NAV1: variants seen among roughly 807,000 people sequenced by gnomAD.
NAV1 encodes the protein pore membrane and/or filament interacting like protein 3.
A neutral mutation model predicts 175.2 loss-of-function variants in NAV1; 18 were observed. The ratio of observed to expected loss-of-function variants is 0.10; its 90% CI spans 0.07 to 0.15. NAV1 has a LOEUF of 0.15. Among genes scored for constraint, NAV1 ranks in the 10% least tolerant of loss-of-function variants. The pLI, the probability that NAV1 is intolerant of heterozygous loss-of-function variation, is 1.00. For missense variants in NAV1, 1,731 were observed against 2,436.6 expected (o/e 0.71, Z 6.10); for synonymous variants, 897 against 978.7 (o/e 0.92, Z 1.56).
intron 2 of NAV1, among the ~76,000 whole-genome samples, chr1:201,642,753 T>C (rs1163735943): frequency 1.4e-5 from 2 of 147,230 alleles, no homozygotes; most frequent in Admixed American, 1.4e-4. Flanking sequence ...CCTCCCTCCT[T>C]CTTTTCTTTT....
intron 1 of NAV1, among the ~76,000 whole-genome samples, chr1:201,570,107 G>T (rs1204831032): frequency 6.6e-6 from 1 of 152,172 alleles, no homozygotes; most frequent in Non-Finnish European, 1.5e-5. Context: ...CTGGCCTCTT[G>T]TGTGCCCTGA....
Position 201,694,460 on chromosome 1 carries a change from C to T in NAV1, c.758-18357C>T, listed in dbSNP as rs1671101376. On this transcript the variant is annotated intron_variant, in intron 1 of 29. Transcript: ENST00000367296. This position sits in a 1 kb window ranked among gnomAD's most constrained non-coding sequence, Gnocchi z 4.2. ...TAGATGACCCTGGGGAGGGTGAGGG[C>T]CGGGGTCACCAGCTGCTGGGGCTTC... Among the ~76,000 whole-genome samples, 1 of 152,126 alleles carries T rather than the reference C, an allele frequency of 6.6e-6. No homozygotes were observed. The highest frequency in any genetic ancestry group is 6.5e-5 in the Admixed American group (1 of 15,276).
intron 3 of NAV1, among the ~76,000 whole-genome samples, chr1:201,755,565 GC>G: frequency 6.6e-6 from 1 of 152,230 alleles, no homozygotes; most frequent in African/African-American, 2.4e-5. Context: ...CAACATTGCT[GC>G]AGGATAGGAA....
intron 7 of NAV1, among the ~76,000 whole-genome samples, chr1:201,784,724 A>G (rs1676593361): frequency 6.6e-6 from 1 of 151,482 alleles, no homozygotes; most frequent in Non-Finnish European, 1.5e-5. Context: ...CTTTTAAATA[A>G]CTAACTATGC....
chr1:201,640,248 C>T (rs1217579526), intron 2 of NAV1, among the ~76,000 whole-genome samples: 1 of 152,184 alleles, frequency 6.6e-6, no homozygotes, highest in Admixed American at 6.5e-5. Context: ...AGAGGGTGAG[C>T]CGGGGACCTG....
chr1:201,648,259 A>ACAGG (rs146862553), exon 1 of NAV1: 82,591 of 1,037,618 alleles, frequency 0.08, 3,591 homozygotes, highest in African/African-American at 0.17. Flanking sequence ...CACGGGACTG[A>ACAGG]CAGGCAGGCA....
chr1:201,611,867 G>A (rs999234924), intron 2 of NAV1, among the ~76,000 whole-genome samples: 1 of 152,174 alleles, frequency 6.6e-6, no homozygotes, highest in Non-Finnish European at 1.5e-5. Flanking sequence ...GGGACAGGGA[G>A]GACAGGTGGG....
At chr1:201,576,210 C>T (rs1446699902) in intron 1 of NAV1, among the ~76,000 whole-genome samples, 1 of 152,154 alleles carries the variant, frequency 6.6e-6, no homozygotes, top group East Asian at 1.9e-4. Flanking sequence ...ATATGTTTGC[C>T]ATTTCTATAC....
At chr1:201,762,104 G>A (rs929128071) in intron 3 of NAV1, among the ~76,000 whole-genome samples, 12 of 152,210 alleles carry the variant, frequency 7.9e-5, no homozygotes, top group African/African-American at 2.2e-4. Flanking sequence ...AGGCTGCAAT[G>A]AGCTGTGTTT....
At chr1:201,671,939 A>C (rs1571875792) in intron 1 of NAV1, among the ~76,000 whole-genome samples, 1 of 151,764 alleles carries the variant, frequency 6.6e-6, no homozygotes, top group Non-Finnish European at 1.5e-5. Flanking sequence ...GAGATATAAG[A>C]CTCTCTCTGC....
chr1:201,701,038 A>G lies in NAV1; in HGVS notation c.758-11779A>G, dbSNP rs190418888. 4.8e-3 allele frequency among the ~76,000 whole-genome samples: 727 copies of G among 150,394 alleles called. 1 individual carries two copies. The highest frequency in any genetic ancestry group is 8.4e-3 in the Non-Finnish European group (567 of 67,618). On this transcript the variant is annotated intron_variant, in intron 1 of 29. Coordinates refer to ENST00000367296, the Ensembl canonical transcript of NAV1. ...AAAAAAAAAAAAAAAAAAAAGAAAG[A>G]AAAGAAAATGTGGCACTTGTACACC...
chr1:201,719,751 A>G (rs1367690183), intron 3 of NAV1: 1 of 152,590 alleles, frequency 6.6e-6, no homozygotes, highest in Non-Finnish European at 1.5e-5. Flanking sequence ...CCAAGGGGCC[A>G]TACAAGTAGC....
intron 16 of NAV1, 91 bp from the exon 21 acceptor site, chr1:201,804,398 C>A: frequency 1.5e-6 from 2 of 1,315,938 alleles, no homozygotes; most frequent in Non-Finnish European, 2.1e-6. Context: ...ATAATGCAGA[C>A]AGGTACCAGC....
intron 1 of NAV1, among the ~76,000 whole-genome samples, chr1:201,555,853 G>A (rs1484324235): frequency 8.1e-6 from 1 of 123,146 alleles, no homozygotes; most frequent in Admixed American, 1.0e-4. Flanking sequence ...AAGGTGCTGT[G>A]AAGGGAGATG....
chr1:201,581,060 A>G (rs76449334), intron 1 of NAV1, among the ~76,000 whole-genome samples: 161 of 152,336 alleles, frequency 1.1e-3, no homozygotes, highest in African/African-American at 3.7e-3. Context: ...AAAGGAAGAC[A>G]AAACAGGAGA....
chr1:201,633,040 G>A (rs1009588188), intron 2 of NAV1, among the ~76,000 whole-genome samples: 2 of 152,146 alleles, frequency 1.3e-5, no homozygotes, highest in East Asian at 1.9e-4. Flanking sequence ...GACTACAAAT[G>A]ACTTGCATCA....
intron 1 of NAV1, 44 bp from the exon 4 acceptor site, chr1:201,629,360 A>G: frequency 8.0e-7 from 1 of 1,248,894 alleles, no homozygotes; most frequent in Non-Finnish European, 1.1e-6. Flanking sequence ...CTTAGAGACC[A>G]GGACATCTCT....
chr1:201,810,095 C>A lies in NAV1; in HGVS notation c.4551C>A (p.Val1517=). ...GTCGAGGTGTCAATAACATATCAGT[C>A]TCCCTCAAAGGTCAGTCTTTGTCTC... The change falls in exon 23 of 30, where the codon GTC becomes GTA. Residue 1517 remains valine (V), a synonymous_variant. Transcript: ENST00000367296. This position sits in a 1 kb window ranked among gnomAD's most constrained non-coding sequence, Gnocchi z 6.0. 1.2e-6 allele frequency: 2 copies of A among 1,613,792 alleles called. No homozygotes were observed. The highest frequency in any genetic ancestry group is 1.7e-6 in the Non-Finnish European group (2 of 1,179,924).
rs1039210277 is a variant in NAV1, at chr1:201,718,581, G to A, written c.1052G>A (p.Arg351Gln). 14 of 1,614,100 alleles carry A rather than the reference G, an allele frequency of 8.7e-6. No individual in the cohort carries two copies. The highest frequency in any genetic ancestry group is 1.1e-5 in the Non-Finnish European group (13 of 1,180,022). ...CCCGCCTGGTACATGCACGGCGAAC[G>A]GGCCCACTACTCCCACACCATGCCC... The change falls in exon 3 of 30, where the codon CGG becomes CAG. Residue 351 changes from arginine to glutamine, a missense_variant. Arg to Gln is a conservative substitution (Grantham distance 43). Transcript: ENST00000367296. The surrounding 1 kb of genome is among the most constrained non-coding windows in gnomAD (Gnocchi z 4.8).
Sources: allele counts gnomAD v4.1 joint callset (sites outside exome capture counted in the v4.1 genomes callset), GRCh38; gene constraint gnomAD v4.1.1; non-coding constraint Gnocchi (gnomAD v3.1); transcripts MANE v1.5; gene names NCBI Gene and HGNC (gene_info 2026-07-23, HGNC 2026-07-21).